The following RALGAPB variants were observed in gnomAD, a reference collection of about 807,000 sequenced individuals.
RALGAPB encodes Ral GTPase activating protein non-catalytic subunit beta, also known as ral GTPase-activating protein subunit beta.
A neutral mutation model predicts 161.1 loss-of-function variants in RALGAPB; 25 were observed. The ratio of observed to expected loss-of-function variants is 0.16; its 90% CI spans 0.11 to 0.22. RALGAPB has a LOEUF of 0.22. RALGAPB is among the 10% of genes least tolerant of loss of function. The probability of loss-of-function intolerance (pLI) is 1.00; values close to 1 mark genes in which losing one functional copy is unlikely to be tolerated. For synonymous variants in RALGAPB, 629 were observed against 626.1 expected, an observed-to-expected ratio of 1.00 and a Z score of -0.07; for missense variants, 1,391 against 1,815.2, an observed-to-expected ratio of 0.77 and a Z score of 4.25.
chr20:38,554,186 G>C, intron 22 of RALGAPB, 110 bp downstream of exon 22: 1 of 951,354 alleles, frequency 1.1e-6, no homozygotes, highest in African/African-American at 1.7e-5. Flanking sequence ...AAAAAAAACT[G>C]GTTAAAATTT....
At chr20:38,530,997 A>G (rs1281608314) in intron 13 of RALGAPB, among the ~76,000 whole-genome samples, 170 bp from the exon 14 acceptor site, 4 of 152,000 alleles carry the variant, frequency 2.6e-5, no homozygotes, top group East Asian at 1.9e-4. Context: ...AAAAACCTGC[A>G]TATGTACAGT....
At position 38,578,202 on chromosome 20, in the gene RALGAPB, G is replaced by A. The variant is rs1300840923; in HGVS notation, c.*3235G>A. 3 of 152,120 alleles carry A rather than the reference G, an allele frequency of 2.0e-5. No individual in the cohort carries two copies. The highest frequency in any genetic ancestry group is 4.4e-5 in the Non-Finnish European group (3 of 68,016). 9.4% of individuals were successfully genotyped at this position (152,120 alleles called of 1,614,324 possible). ...TGCTGTGTTTACATGAAATGACATT[G>A]GAGTCAGATGGTCTGTTTTAAAGAT... is the stretch of plus-strand genomic sequence containing the variant. On this transcript the variant is annotated 3_prime_UTR_variant, in exon 30 of 30. Transcript: ENST00000262879.
chr20:38,479,899 T>C (rs891502003), intron 1 of RALGAPB, among the ~76,000 whole-genome samples: 3 of 152,194 alleles, frequency 2.0e-5, no homozygotes, highest in African/African-American at 7.2e-5. Context: ...ATCCCTTCAG[T>C]GTATCTTGGA....
intron 17 of RALGAPB, 97 bp downstream of exon 17, chr20:38,540,055 G>A (rs1302153160): frequency 1.0e-5 from 11 of 1,074,174 alleles, no homozygotes; most frequent in South Asian, 5.1e-5. Context: ...ATACAGTATT[G>A]CACACTTTAA....
At chr20:38,487,192 A>G (rs1383071746) in intron 1 of RALGAPB, among the ~76,000 whole-genome samples, 1 of 152,214 alleles carries the variant, frequency 6.6e-6, no homozygotes, top group Non-Finnish European at 1.5e-5. Flanking sequence ...AGGGTAAGAA[A>G]GGATTTGCTG....
In RALGAPB at chr20:38,570,808, C is replaced by T; in HGVS notation, c.4103C>T (p.Thr1368Ile). Residue 1368 changes from threonine (T) to isoleucine (I), a missense_variant, in exon 28 of 30, where the codon ACT (threonine) becomes ATT (isoleucine). By Grantham distance (89) the Thr-to-Ile change is moderately conservative. This residue lies in a region of RALGAPB where 436 missense variants were observed against 527.0 expected (regional missense o/e 0.83). Transcript: ENST00000262879. The stretch of plus-strand genomic sequence containing the variant: ...TCAGAGCTGATGACAGAGATCAGTA[C>T]TGGTGTGGAAACTACTGCAAATAGT... ...PLSELMTEIS[T>I]GVETTANSST... is the part of the protein sequence containing the mutation. The T allele has an allele frequency of 6.2e-7, 1 of 1,609,792 alleles. No individual in the cohort carries two copies. The highest frequency in any genetic ancestry group is 8.5e-7 in the Non-Finnish European group (1 of 1,176,574).
chr20:38,474,433 C>T (rs185803895), intron 1 of RALGAPB, among the ~76,000 whole-genome samples: 9 of 152,104 alleles, frequency 5.9e-5, no homozygotes, highest in Admixed American at 3.9e-4. Flanking sequence ...GGGACTACCA[C>T]GCTTGGCTAA....
At position 38,576,581 on chromosome 20, in the gene RALGAPB, G is replaced by T. The variant is rs2088446013; in HGVS notation, c.*1614G>T. 6.6e-6 allele frequency: 1 copy of T among 152,162 alleles called. No individual in the cohort carries two copies. Among genetic ancestry groups the T allele is most frequent in the African/African-American group, 2.4e-5 (1 of 41,442 alleles). 9.4% of individuals were successfully genotyped at this position (152,162 alleles called of 1,614,324 possible). Reference sequence around the variant, plus strand: ...TTCTATGACTCCAGTTTCCATTCAGGTTATAGTATTATTCAATAGTTGATT... The same window carrying T: ...TTCTATGACTCCAGTTTCCATTCAGTTTATAGTATTATTCAATAGTTGATT... On this transcript the variant is annotated 3_prime_UTR_variant, in exon 30 of 30. Coordinates refer to ENST00000262879, the MANE Select transcript of RALGAPB (RefSeq NM_020336.4).
At chr20:38,499,301 A>G in intron 4 of RALGAPB, 146 bp from the exon 5 acceptor site, 1 of 801,400 alleles carries the variant, frequency 1.2e-6, no homozygotes, top group Non-Finnish European at 1.9e-6. Flanking sequence ...ATTGCTTCTC[A>G]TTTTTACTAT....
In RALGAPB at chr20:38,534,131, T is replaced by TC. The variant is rs1224949398; in HGVS notation, c.2246-941dup. ...TCCAGCCTGGGCAACAGAGCGAGAC[T>TC]CCATCTCAAAAAAAAAAAAAAAAAA... is the stretch of plus-strand genomic sequence containing the variant. On this transcript the variant is annotated intron_variant, in intron 15 of 29. Coordinates refer to ENST00000262879, the MANE Select transcript of RALGAPB (RefSeq NM_020336.4). 3.3e-5 allele frequency among the ~76,000 whole-genome samples: 4 copies of TC among 121,268 alleles called. No individual in the cohort carries two copies. In the East Asian group the frequency reaches 9.6e-4, roughly 29 times the overall value. The allele number at this position is 121,268 out of a possible 152,430, so 79.6% of individuals were successfully genotyped here.
chr20:38,559,522 C>G (rs1386152123), intron 23 of RALGAPB, among the ~76,000 whole-genome samples: 1 of 152,202 alleles, frequency 6.6e-6, no homozygotes, highest in East Asian at 1.9e-4. Flanking sequence ...TGGTGGAACC[C>G]TGTCTCTACT....
At chr20:38,571,460 T>C (rs1387173386) in intron 28 of RALGAPB, among the ~76,000 whole-genome samples, 1 of 152,180 alleles carries the variant, frequency 6.6e-6, no homozygotes, top group Non-Finnish European at 1.5e-5. Flanking sequence ...ATAAGTAATA[T>C]CATGTGGAAT....
intron 2 of RALGAPB, among the ~76,000 whole-genome samples, chr20:38,492,017 A>C (rs1337821373): frequency 1.3e-5 from 2 of 151,658 alleles, no homozygotes; most frequent in Admixed American, 1.3e-4. Context: ...TTTTTTGCAA[A>C]TTGGGGTTTC....
chr20:38,558,355 T>A lies in RALGAPB; in HGVS notation c.3433T>A (p.Phe1145Ile), dbSNP rs2087664341. ...TGCACTTGATTCCACGATACCTGGA[T>A]TTTTTGATGACATTGGGTATCTGGA... is the stretch of plus-strand genomic sequence containing the variant. ...LIALDSTIPG[F>I]FDDIGYLDLL... Residue 1145 changes from phenylalanine (F) to isoleucine (I), a missense_variant, in exon 23 of 30, where the codon TTT becomes ATT. Coordinates refer to ENST00000262879, the MANE Select transcript of RALGAPB (RefSeq NM_020336.4). 3 of 1,607,436 alleles carry A rather than the reference T, an allele frequency of 1.9e-6. No individual in the cohort carries two copies. Among genetic ancestry groups the A allele is most frequent in the Non-Finnish European group, 2.6e-6 (3 of 1,176,108 alleles).
chr20:38,480,637 G>A (rs1363572781), intron 1 of RALGAPB, among the ~76,000 whole-genome samples: 3 of 151,250 alleles, frequency 2.0e-5, no homozygotes, highest in African/African-American at 4.9e-5. Context: ...TTTCACCTGC[G>A]TCGGCCTCCC....
intron 4 of RALGAPB, 27 bp from the exon 5 acceptor site, chr20:38,499,420 A>C: frequency 6.4e-7 from 1 of 1,551,070 alleles, no homozygotes; most frequent in Non-Finnish European, 8.7e-7. Flanking sequence ...AAGTTTGCCA[A>C]AGATGTGTTT....
chr20:38,527,060 C>T (rs2086492500), intron 13 of RALGAPB, among the ~76,000 whole-genome samples: 1 of 152,072 alleles, frequency 6.6e-6, no homozygotes. Flanking sequence ...CATCCCAGCC[C>T]ACAAACCTGG....
In RALGAPB at chr20:38,535,089, C is replaced by T; in HGVS notation, c.2261C>T (p.Ser754Leu). The T allele has an allele frequency of 1.2e-6, 2 of 1,614,032 alleles. No individual in the cohort carries two copies. Among genetic ancestry groups the T allele is most frequent in the Non-Finnish European group, 1.7e-6 (2 of 1,179,874 alleles). The part of the protein sequence containing the change: ...LLRDYALNTD[S>L]AAGLLIRSIH... ...TATATCCTAGCTCTTAATACAGATT[C>T]AGCTGCTGGGCTCCTGATTCGCAGC... Residue 754 changes from serine (S) to leucine (L), a missense_variant, in exon 16 of 30, where the codon TCA (serine) becomes TTA (leucine). Physicochemically the swap from Ser to Leu is moderately radical, Grantham distance 145 (BLOSUM62 -2). Transcript: ENST00000262879.
Position 38,512,791 on chromosome 20 carries a change from G to A in RALGAPB, c.873-3401G>A, listed in dbSNP as rs533245919. Among the ~76,000 whole-genome samples the A allele has an allele frequency of 2.6e-3, 400 of 152,070 alleles. 2 individuals carry two copies. Among genetic ancestry groups the A allele is most frequent in the African/African-American group, 9.4e-3 (392 of 41,490 alleles). On this transcript the variant is annotated intron_variant, in intron 6 of 29. Transcript: ENST00000262879. Reference sequence around the variant, plus strand: ...TATTTATTTTTTGAGATGGAGTCTCGCTCTGTCACCCAGGCTGGAGTGCAG... The same window carrying A: ...TATTTATTTTTTGAGATGGAGTCTCACTCTGTCACCCAGGCTGGAGTGCAG...
Sources: allele counts gnomAD v4.1 joint callset (sites outside exome capture counted in the v4.1 genomes callset), GRCh38; gene constraint gnomAD v4.1.1; regional missense constraint gnomAD v4.1.1; transcripts MANE v1.5; gene names NCBI Gene and HGNC (gene_info 2026-07-23, HGNC 2026-07-21).